Variants in ALK observed in about 807,000 individuals in gnomAD.
ALK encodes ALK tyrosine kinase receptor.
A neutral mutation model predicts 163.1 loss-of-function variants in ALK; 74 were observed. The observed-to-expected ratio is 0.45, with a 90% CI of 0.38 to 0.55. The LOEUF is 0.55. ALK is among the 20% of genes least tolerant of loss of function. The pLI, the probability that ALK is intolerant of heterozygous loss-of-function variation, is 0.00. For synonymous variants in ALK, 960 were observed against 843.2 expected (o/e 1.14, Z -2.40); for missense variants, 2,063 against 2,105.3 (o/e 0.98, Z 0.39).
chr2:29,216,967 TGTGCGTG>T (rs2148162702), intron 23 of ALK, among the ~76,000 whole-genome samples: 1 of 126,054 alleles, frequency 7.9e-6, no homozygotes, highest in East Asian at 2.4e-4. Context: ...GTGTGTGGTG[TGTGCGTG>T]GTGTGTGTGT....
At chr2:29,678,118 C>A (rs529832647) in intron 3 of ALK, among the ~76,000 whole-genome samples, 1 of 152,042 alleles carries the variant, frequency 6.6e-6, no homozygotes, top group South Asian at 2.1e-4. Context: ...CCCTTACAAT[C>A]TTTTAAATTC....
chr2:29,561,555 C>T (rs558049138), intron 3 of ALK, among the ~76,000 whole-genome samples: 1 of 152,160 alleles, frequency 6.6e-6, no homozygotes, highest in Non-Finnish European at 1.5e-5. Flanking sequence ...GTTCACTGTC[C>T]ATCCAAATGT....
intron 4 of ALK, among the ~76,000 whole-genome samples, chr2:29,403,945 A>G (rs958063618): frequency 2.6e-5 from 4 of 152,030 alleles, no homozygotes; most frequent in Non-Finnish European, 1.5e-5. Context: ...TCCTGAAGTA[A>G]ACACAATCTT....
In ALK at chr2:29,229,140, G is replaced by A. The variant is rs1045716610; in HGVS notation, c.2633-74C>T. 2.7e-6 allele frequency: 4 copies of A among 1,456,060 alleles called. No homozygotes were observed. The African/African-American group carries it at 5.6e-5, about 20-fold the overall frequency. 90.2% of individuals were successfully genotyped at this position (1,456,060 alleles called of 1,614,324 possible). A position where few individuals can be genotyped will look rare whatever the true frequency, so the allele number is the denominator to read the frequency against. Reference sequence around the variant, plus strand: ...TTAGCCATGCTGGCCAGAGAAGCAGGATGCAGGACGCCTTGGAGGGCGCCC... The same window carrying A: ...TTAGCCATGCTGGCCAGAGAAGCAGAATGCAGGACGCCTTGGAGGGCGCCC... On this transcript the variant is annotated intron_variant, in intron 15 of 28. Coordinates refer to ENST00000389048, the MANE Select transcript of ALK (RefSeq NM_004304.5).
At chr2:29,593,935 C>A (rs1354080210) in intron 3 of ALK, among the ~76,000 whole-genome samples, 1 of 152,300 alleles carries the variant, frequency 6.6e-6, no homozygotes, top group South Asian at 2.1e-4. Flanking sequence ...TTAAAATATG[C>A]GAACTTACAA....
intron 11 of ALK, among the ~76,000 whole-genome samples, chr2:29,255,908 C>T (rs1240242633): frequency 6.6e-6 from 1 of 152,128 alleles, no homozygotes; most frequent in Non-Finnish European, 1.5e-5. Context: ...TTGCTGGGGA[C>T]AGACTCTAAT....
intron 1 of ALK, among the ~76,000 whole-genome samples, chr2:29,857,489 A>C (rs560900624): frequency 2.0e-5 from 3 of 152,322 alleles, no homozygotes; most frequent in Admixed American, 1.3e-4. Flanking sequence ...CTAAGGCTGA[A>C]TGTGGCTCTG....
intron 3 of ALK, among the ~76,000 whole-genome samples, chr2:29,621,400 T>G (rs754090760): frequency 6.6e-6 from 1 of 152,212 alleles, no homozygotes; most frequent in Non-Finnish European, 1.5e-5. Context: ...GCCACTTCAC[T>G]GAAGCCCTCA....
chr2:29,630,369 T>G (rs997977804), intron 3 of ALK, among the ~76,000 whole-genome samples: 12 of 152,160 alleles, frequency 7.9e-5, no homozygotes, highest in African/African-American at 2.9e-4. Flanking sequence ...TAAGAAATTT[T>G]ATTTATTATT....
intron 1 of ALK, among the ~76,000 whole-genome samples, chr2:29,850,294 C>T (rs1665956841): frequency 6.6e-6 from 1 of 152,234 alleles, no homozygotes; most frequent in South Asian, 2.1e-4. Flanking sequence ...GAGGGCAGTG[C>T]CAGATGAGGA....
At chr2:29,422,286 T>A (rs1670033703) in intron 4 of ALK, among the ~76,000 whole-genome samples, 1 of 147,302 alleles carries the variant, frequency 6.8e-6, no homozygotes, top group Admixed American at 6.6e-5. Flanking sequence ...GTTTCTTGGG[T>A]CTCCTGACTT....
intron 7 of ALK, 147 bp from the exon 8 acceptor site, chr2:29,318,551 C>A: frequency 1.5e-6 from 1 of 658,752 alleles, no homozygotes; most frequent in Non-Finnish European, 2.7e-6. Context: ...GAGAAGAAAG[C>A]CCACCTGTCA....
intron 5 of ALK, among the ~76,000 whole-genome samples, chr2:29,378,959 C>T (rs113744045): frequency 0.051 from 7,837 of 152,248 alleles, 242 homozygotes; most frequent in Middle Eastern, 0.092. Flanking sequence ...GTGATCCACC[C>T]ACCTTGGCCT....
intron 5 of ALK, among the ~76,000 whole-genome samples, chr2:29,332,188 A>G (rs1185524151): frequency 6.9e-6 from 1 of 145,978 alleles, no homozygotes; most frequent in Non-Finnish European, 1.5e-5. Flanking sequence ...TTGGAGACTG[A>G]GGCAGGAGAA....
intron 3 of ALK, among the ~76,000 whole-genome samples, chr2:29,600,672 GC>G (rs1675357663): frequency 6.6e-6 from 1 of 152,158 alleles, no homozygotes; most frequent in Admixed American, 6.5e-5. Flanking sequence ...GGTGGGGGTG[GC>G]CCTGAGAGCT....
At chr2:29,564,409 C>T (rs547905934) in intron 3 of ALK, among the ~76,000 whole-genome samples, 1 of 150,402 alleles carries the variant, frequency 6.6e-6, no homozygotes, top group South Asian at 2.1e-4. Context: ...GAATATTCAA[C>T]CCTGTGCCTT....
At position 29,318,314 on chromosome 2, in the gene ALK, G is replaced by A. The variant is rs1666893427; in HGVS notation, c.1637C>T (p.Ser546Phe). ...SATFPAPIKS[S>F]PCELRMSWLI... is the part of the protein sequence containing the mutation. The stretch of plus-strand genomic sequence containing the variant: ...AACAAGGAGACTTGCCTCACATGGA[G>A]AGCTCTTGATCGGTGCAGGAAACGT... Residue 546 changes from serine to phenylalanine, a missense_variant, in exon 8 of 29, where the codon TCT becomes TTT. Ser to Phe is a radical substitution (Grantham distance 155). Transcript: ENST00000389048. The A allele has an allele frequency of 1.2e-6, 2 of 1,612,754 alleles. No homozygotes were observed. Among genetic ancestry groups the A allele is most frequent in the Non-Finnish European group, 8.5e-7 (1 of 1,178,766 alleles).
intron 4 of ALK, among the ~76,000 whole-genome samples, chr2:29,385,008 C>A (rs1433704977): frequency 2.0e-5 from 3 of 151,804 alleles, no homozygotes; most frequent in African/African-American, 7.3e-5. Flanking sequence ...CAGAGATCGC[C>A]ACTGCATTCC....
chr2:29,336,482 C>G (rs1031630424), intron 5 of ALK, among the ~76,000 whole-genome samples: 3 of 152,194 alleles, frequency 2.0e-5, no homozygotes, highest in African/African-American at 7.2e-5. Context: ...ATTTGTTTGC[C>G]CATTTATCTC....
Sources: gnomAD v4.1 joint callset for allele counts (sites outside exome capture counted in the v4.1 genomes callset) on GRCh38, gnomAD v4.1.1 for gene constraint, MANE v1.5 for transcripts, NCBI Gene and HGNC (gene_info 2026-07-23, HGNC 2026-07-21) for gene names.